NAV2: variants seen among roughly 807,000 people sequenced by gnomAD.
The protein encoded by NAV2 is helicase, APC down-regulated 1.
Under a neutral mutation model 223.2 loss-of-function variants are expected in NAV2, and 54 were observed. The ratio of observed to expected loss-of-function variants is 0.24; its 90% CI spans 0.19 to 0.30. NAV2 has a LOEUF of 0.30. Among genes scored for constraint, NAV2 ranks in the 10% least tolerant of loss-of-function variants. The pLI is 1.00. For synonymous variants in NAV2, 1,279 were observed against 1,239.3 expected, an observed-to-expected ratio of 1.03 and a Z score of -0.67; for missense variants, 2,806 against 3,147.5, an observed-to-expected ratio of 0.89 and a Z score of 2.60.
At chr11:19,888,953 C>T (rs2041258614) in intron 5 of NAV2, among the ~76,000 whole-genome samples, 1 of 152,204 alleles carries the variant, frequency 6.6e-6, no homozygotes, top group Admixed American at 6.5e-5. Context: ...CATCTGTAAT[C>T]TAGATGTCAG....
intron 1 of NAV2, among the ~76,000 whole-genome samples, chr11:19,618,639 G>A (rs1324967331): frequency 1.3e-5 from 2 of 152,160 alleles, no homozygotes; most frequent in East Asian, 1.9e-4. Context: ...AGCTGTGGTG[G>A]TGGGGAGCCA....
chr11:19,977,949 C>T (rs916314429), intron 10 of NAV2, among the ~76,000 whole-genome samples: 6 of 151,372 alleles, frequency 4.0e-5, no homozygotes, highest in African/African-American at 7.3e-5. Context: ...GGATTACAGG[C>T]GCCTGCCACC....
At chr11:20,094,154 C>T (rs1287354993) in intron 29 of NAV2, among the ~76,000 whole-genome samples, 2 of 151,680 alleles carry the variant, frequency 1.3e-5, no homozygotes, top group Non-Finnish European at 2.9e-5. Flanking sequence ...TAGATAGCTC[C>T]GTTTTCAAAA....
chr11:19,863,454 C>T (rs562390147), intron 3 of NAV2, among the ~76,000 whole-genome samples: 14 of 152,312 alleles, frequency 9.2e-5, no homozygotes, highest in Admixed American at 9.1e-4. Flanking sequence ...TGGTGCCTGG[C>T]TAACTCCTTA....
chr11:19,424,759 C>T (rs1167283104), intron 1 of NAV2, among the ~76,000 whole-genome samples: 1 of 152,032 alleles, frequency 6.6e-6, no homozygotes, highest in Non-Finnish European at 1.5e-5. Flanking sequence ...CCATGTTGGC[C>T]AGGCTGGTTT....
intron 1 of NAV2, among the ~76,000 whole-genome samples, chr11:19,492,447 C>T (rs567669087): frequency 2.6e-5 from 4 of 152,132 alleles, no homozygotes; most frequent in Non-Finnish European, 5.9e-5. Flanking sequence ...ACACTTTCTT[C>T]GTCTCCTCAT....
intron 1 of NAV2, among the ~76,000 whole-genome samples, chr11:19,605,087 T>A (rs1403989261): frequency 6.6e-6 from 1 of 152,192 alleles, no homozygotes; most frequent in Non-Finnish European, 1.5e-5. Context: ...GGCCTCCAGT[T>A]GGTGAATTGC....
At chr11:19,544,593 G>A (rs933109665) in intron 1 of NAV2, among the ~76,000 whole-genome samples, 3 of 152,166 alleles carry the variant, frequency 2.0e-5, no homozygotes, top group Admixed American at 6.5e-5. Flanking sequence ...TGACAGCTTG[G>A]AGTGGGGTAC....
intron 1 of NAV2, chr11:19,505,350 A>G (rs1489898119): frequency 6.6e-6 from 1 of 152,228 alleles, no homozygotes; most frequent in Non-Finnish European, 1.5e-5. Context: ...AACAGAAAGG[A>G]TGTCCACTGA....
chr11:19,789,476 T>C (rs969133041), intron 1 of NAV2, among the ~76,000 whole-genome samples: 4 of 152,220 alleles, frequency 2.6e-5, no homozygotes, highest in African/African-American at 9.6e-5. Context: ...TGTTAGCTTA[T>C]AGAAGTAACC....
intron 1 of NAV2, among the ~76,000 whole-genome samples, chr11:19,370,146 C>T (rs1037978875): frequency 6.6e-6 from 1 of 152,186 alleles, no homozygotes; most frequent in African/African-American, 2.4e-5. Flanking sequence ...GCCTGTTGCC[C>T]ACATCCTGTA....
intron 1 of NAV2, among the ~76,000 whole-genome samples, chr11:19,735,899 G>T (rs1299169040): frequency 6.6e-6 from 1 of 152,334 alleles, no homozygotes; most frequent in South Asian, 2.1e-4. Flanking sequence ...GGGGAGGAAG[G>T]AGCTAGAATG....
At chr11:19,488,973 C>T (rs921981189) in intron 1 of NAV2, among the ~76,000 whole-genome samples, 5 of 152,238 alleles carry the variant, frequency 3.3e-5, no homozygotes, top group African/African-American at 1.2e-4. Flanking sequence ...CTTTGAGTCA[C>T]TTGGACAGAC....
intron 1 of NAV2, among the ~76,000 whole-genome samples, chr11:19,766,165 G>A (rs1038862561): frequency 1.3e-5 from 2 of 151,962 alleles, no homozygotes; most frequent in African/African-American, 4.8e-5. Flanking sequence ...TCTGCCATGT[G>A]GCCAGCTGGT....
intron 6 of NAV2, among the ~76,000 whole-genome samples, chr11:19,911,578 G>A (rs1331541358): frequency 1.3e-5 from 2 of 152,192 alleles, no homozygotes; most frequent in South Asian, 4.1e-4. Context: ...TGAGAGGACG[G>A]TGGCCAAAAT....
intron 1 of NAV2, among the ~76,000 whole-genome samples, chr11:19,706,092 G>A (rs2049654000): frequency 6.6e-6 from 1 of 152,210 alleles, no homozygotes; most frequent in South Asian, 2.1e-4. Context: ...ATGGAAGGAA[G>A]TGATATGTGA....
upstream of NAV2, among the ~76,000 whole-genome samples, chr11:19,347,298 G>A (rs1037281512): frequency 1.3e-5 from 2 of 152,210 alleles, no homozygotes; most frequent in Non-Finnish European, 2.9e-5. Flanking sequence ...TTTACTGCAG[G>A]AAGGGACTTC....
chr11:19,792,358 C>A (rs575139631), intron 1 of NAV2, among the ~76,000 whole-genome samples: 35 of 152,346 alleles, frequency 2.3e-4, no homozygotes, highest in African/African-American at 8.4e-4. Flanking sequence ...CCTCCTCCTG[C>A]CCTCCGAAGG....
intron 26 of NAV2, 65 bp from the exon 27 acceptor site, chr11:20,090,800 T>A (rs1229948685): frequency 7.8e-6 from 12 of 1,531,000 alleles, no homozygotes; most frequent in Non-Finnish European, 1.1e-5. Context: ...ATGATTGATG[T>A]GGACCAGTGT....
Sources: gnomAD v4.1 joint callset for allele counts (sites outside exome capture counted in the v4.1 genomes callset) on GRCh38, gnomAD v4.1.1 for gene constraint, MANE v1.5 for transcripts, NCBI Gene and HGNC (gene_info 2026-07-23, HGNC 2026-07-21) for gene names.